Variants in PALM2AKAP2 observed in about 807,000 individuals in gnomAD.
PALM2AKAP2 encodes PALM2-AKAP2 fusion protein.
PALM2AKAP2 carries 37 observed loss-of-function variants against 71.5 expected under a neutral mutation model. The ratio of observed to expected loss-of-function variants is 0.52; its 90% CI spans 0.40 to 0.68. The LOEUF (loss-of-function observed/expected upper bound fraction) is 0.68. PALM2AKAP2 is among the 30% of genes least tolerant of loss of function. PALM2AKAP2 has a pLI of 0.00. For missense variants in PALM2AKAP2, 1,224 were observed against 1,191.8 expected, an observed-to-expected ratio of 1.03 and a Z score of -0.40; for synonymous variants, 468 against 478.8, an observed-to-expected ratio of 0.98 and a Z score of 0.29.
At chr9:109,991,232 A>AT (rs200344742) in intron 6 of PALM2AKAP2, among the ~76,000 whole-genome samples, 4 of 30,214 alleles carry the variant, frequency 1.3e-4, no homozygotes, top group East Asian at 5.1e-4. Flanking sequence ...CCATCATCAC[A>AT]TTTTTTTTTT....
chr9:109,910,061 G>C (rs1830534628), intron 3 of PALM2AKAP2, among the ~76,000 whole-genome samples: 1 of 152,242 alleles, frequency 6.6e-6, no homozygotes, highest in Non-Finnish European at 1.5e-5. Flanking sequence ...TACTAGGGCT[G>C]AAGAGAAGCA....
Position 109,727,169 on chromosome 9 carries a change from C to T in PALM2AKAP2, c.6-53319C>T, listed in dbSNP as rs551455288. Among the ~76,000 whole-genome samples the T allele has an allele frequency of 6.6e-5, 10 of 152,330 alleles. No homozygotes were observed. In the East Asian group the frequency reaches 1.9e-3, roughly 29 times the overall value. ...TGTTTTCTTGCTCTCTGCCTCCCAG[C>T]CTCCCATTCTCTTTCTTTCCTTGCC... On this transcript the variant is annotated intron_variant, in intron 1 of 6. Transcript: ENST00000374531.
chr9:109,810,011 A>G (rs1462099124), intron 1 of PALM2AKAP2, among the ~76,000 whole-genome samples: 1 of 152,210 alleles, frequency 6.6e-6, no homozygotes, highest in Non-Finnish European at 1.5e-5. Context: ...CCAGTCAGCT[A>G]TGTCTTTATC....
chr9:110,110,085 G>C (rs1398153407), intron 1 of PALM2AKAP2, among the ~76,000 whole-genome samples: 1 of 152,062 alleles, frequency 6.6e-6, no homozygotes, highest in Non-Finnish European at 1.5e-5. Context: ...TTGCTAAGAG[G>C]GTAGATTTTA....
chr9:109,867,694 A>G, intron 2 of PALM2AKAP2, 123 bp downstream of exon 2: 7 of 1,121,372 alleles, frequency 6.2e-6, no homozygotes, highest in Non-Finnish European at 8.6e-6. Context: ...TTTTTCATTC[A>G]ATCAGGAAAC....
chr9:109,700,629 G>C (rs1828039602), intron 1 of PALM2AKAP2, among the ~76,000 whole-genome samples: 2 of 152,124 alleles, frequency 1.3e-5, no homozygotes, highest in African/African-American at 2.4e-5. Flanking sequence ...TAGATTGCTT[G>C]TTCACAATTA....
chr9:109,844,841 C>T (rs1279662395), intron 1 of PALM2AKAP2, among the ~76,000 whole-genome samples: 4 of 152,122 alleles, frequency 2.6e-5, no homozygotes, highest in Admixed American at 6.5e-5. Context: ...GTGACATGCC[C>T]GCCATGCTCT....
chr9:109,875,954 TG>T (rs2131736272), intron 2 of PALM2AKAP2, among the ~76,000 whole-genome samples: 1 of 152,296 alleles, frequency 6.6e-6, no homozygotes, highest in Admixed American at 6.5e-5. Context: ...TGTATTGACT[TG>T]CCATGATGAC....
At chr9:110,096,712 C>T (rs138873978) in intron 1 of PALM2AKAP2, among the ~76,000 whole-genome samples, 6 of 151,466 alleles carry the variant, frequency 4.0e-5, no homozygotes, top group East Asian at 3.9e-4. Context: ...GATGCATCCC[C>T]GCACCTAGAG....
chr9:109,841,347 CAT>C lies in PALM2AKAP2; in HGVS notation c.46-26142_46-26141del, dbSNP rs1354179563. On this transcript the variant is annotated intron_variant, in intron 1 of 9. Coordinates refer to the PALM2AKAP2 transcript ENST00000302798. ...CACTTGGACACAGGAAGGGGAACAT[CAT>C]ACACTGGGGCCTGTTGTGGGGTGGG... Among the ~76,000 whole-genome samples the C allele has an allele frequency of 9.9e-5, 13 of 130,790 alleles. No individual in the cohort carries two copies. In the Admixed American group the frequency reaches 1.0e-3, roughly 10 times the overall value. The allele number at this position is 130,790 out of a possible 152,430, so 85.8% of individuals were successfully genotyped here. A position where few individuals can be genotyped will look rare whatever the true frequency, so the allele number is the denominator to read the frequency against.
intron 2 of PALM2AKAP2, among the ~76,000 whole-genome samples, chr9:110,145,424 G>T (rs574971230): frequency 2.0e-5 from 3 of 152,270 alleles, no homozygotes; most frequent in East Asian, 1.9e-4. Flanking sequence ...CCAGAAACAG[G>T]TTCATTCCTT....
intron 1 of PALM2AKAP2, among the ~76,000 whole-genome samples, chr9:109,818,801 T>C (rs1827915995): frequency 6.6e-6 from 1 of 152,182 alleles, no homozygotes; most frequent in Admixed American, 6.5e-5. Flanking sequence ...AACACCTACA[T>C]TGACAGGCCT....
chr9:110,011,014 A>AAAAAAAAATATATAT (rs35212981), intron 6 of PALM2AKAP2, among the ~76,000 whole-genome samples: 2 of 69,586 alleles, frequency 2.9e-5, no homozygotes, highest in African/African-American at 1.6e-4. Context: ...AAAAAAAAAA[A>AAAAAAAAATATATAT]ATATATATAT....
intron 1 of PALM2AKAP2, among the ~76,000 whole-genome samples, chr9:109,656,952 A>T (rs1827316570): frequency 6.6e-6 from 1 of 152,224 alleles, no homozygotes; most frequent in Non-Finnish European, 1.5e-5. Context: ...ATTTGAGTTT[A>T]GGAGCTAAGA....
chr9:109,794,590 C>T (rs374316206), intron 1 of PALM2AKAP2, among the ~76,000 whole-genome samples: 1 of 152,120 alleles, frequency 6.6e-6, no homozygotes, highest in Non-Finnish European at 1.5e-5. Flanking sequence ...CCTCATGGAA[C>T]CCTTGGGACC....
At chr9:109,840,818 A>T (rs1828640777) in intron 1 of PALM2AKAP2, among the ~76,000 whole-genome samples, 1 of 152,244 alleles carries the variant, frequency 6.6e-6, no homozygotes. Flanking sequence ...CCACAATGAG[A>T]TACCATCTCA....
intron 1 of PALM2AKAP2, among the ~76,000 whole-genome samples, chr9:109,852,948 TGCAGATATTTTC>T (rs1286731553): frequency 6.6e-6 from 1 of 152,212 alleles, no homozygotes; most frequent in East Asian, 1.9e-4. Flanking sequence ...ATGCATGGTT[TGCAGATATTTTC>T]TCCCATTCTG....
Position 110,135,164 on chromosome 9 carries a change from A to AAAAAAAAAAATATATATATATATAT in PALM2AKAP2, c.157-962_157-961insAAAAAAAAATATATATATATATATA. Among the ~76,000 whole-genome samples the AAAAAAAAAAATATATATATATATAT allele has an allele frequency of 1.5e-4, 8 of 51,722 alleles. 1 individual carries two copies. The highest frequency in any genetic ancestry group is 4.3e-4 in the Admixed American group (2 of 4,702). 33.9% of individuals were successfully genotyped at this position (51,722 alleles called of 152,430 possible). On this transcript the variant is annotated intron_variant, in intron 1 of 3. Transcript: ENST00000374525. ...AACTCTGTCTCTACAAAAAAAAAAA[A>AAAAAAAAAAATATATATATATATAT]ATATATAAATATATATATATATATA...
chr9:109,895,840 G>C (rs1830185969), intron 3 of PALM2AKAP2, among the ~76,000 whole-genome samples: 1 of 152,098 alleles, frequency 6.6e-6, no homozygotes, highest in South Asian at 2.1e-4. Context: ...TGGCAGAAGG[G>C]GAAGCAAACA....
Sources: allele counts gnomAD v4.1 joint callset (sites outside exome capture counted in the v4.1 genomes callset), GRCh38; gene constraint gnomAD v4.1.1; transcripts MANE v1.5; gene names NCBI Gene and HGNC (gene_info 2026-07-23, HGNC 2026-07-21).